The following DCLK1 variants were observed in gnomAD, a reference collection of about 807,000 sequenced individuals.
DCLK1 encodes doublecortin like kinase 1.
In DCLK1, 16 loss-of-function variants were observed where a neutral mutation model predicts 86.2. That is an observed-to-expected ratio of 0.19 (90% CI 0.13 to 0.28). The LOEUF (loss-of-function observed/expected upper bound fraction) is 0.28. Ranked by LOEUF, DCLK1 falls within the 10% of genes least tolerant of loss-of-function variation. The pLI is 1.00. For synonymous variants in DCLK1, 369 were observed against 370.5 expected (o/e 1.00, Z 0.05); for missense variants, 590 against 940.2 (o/e 0.63, Z 4.87).
chr13:36,076,821 G>A (rs889342164), intron 3 of DCLK1, among the ~76,000 whole-genome samples: 2 of 152,126 alleles, frequency 1.3e-5, no homozygotes, highest in Non-Finnish European at 2.9e-5. Flanking sequence ...TCTACATAAC[G>A]CTTTCCCAAA....
At position 36,014,392 on chromosome 13, in the gene DCLK1, C is replaced by A. The variant is rs564787257; in HGVS notation, c.724-66935G>T. On this transcript the variant is annotated intron_variant, in intron 3 of 16. Transcript: ENST00000360631. ...TTCTTCAGAATTATATTTCAGAGAG[C>A]AACTTTTTTGTTGCCTTTAAAATTT... 3.7e-4 allele frequency among the ~76,000 whole-genome samples: 57 copies of A among 152,332 alleles called. No homozygotes were observed. In the South Asian group the frequency reaches 0.011, roughly 29 times the overall value.
intron 4 of DCLK1, among the ~76,000 whole-genome samples, chr13:35,927,561 T>G (rs1876193970): frequency 6.6e-6 from 1 of 152,164 alleles, no homozygotes; most frequent in South Asian, 2.1e-4. Flanking sequence ...GTGGATATCC[T>G]CCCCCAGATC....
intron 5 of DCLK1, among the ~76,000 whole-genome samples, chr13:35,861,387 G>A (rs988342371): frequency 6.6e-6 from 1 of 152,178 alleles, no homozygotes. Context: ...AGCACCAAGG[G>A]TCAGGGTGGA....
At chr13:36,065,701 C>A (rs1883721798) in intron 3 of DCLK1, among the ~76,000 whole-genome samples, 1 of 148,318 alleles carries the variant, frequency 6.7e-6, no homozygotes, top group Non-Finnish European at 1.5e-5. Flanking sequence ...CAGCTAGAGA[C>A]TAAAGGTGAC....
rs1349235373 is a variant in DCLK1 at position 35,805,683 on chromosome 13, G to A, written c.1944+16C>T. 5 of 1,607,046 alleles carry A rather than the reference G, an allele frequency of 3.1e-6. No individual in the cohort carries two copies. Among genetic ancestry groups the A allele is most frequent in the Non-Finnish European group, 4.2e-6 (5 of 1,176,702 alleles). ...AATGTTAGGAGAGAACAAAGGAAAT[G>A]GTGCGAGTCACTTACATTAACCCAG... On this transcript the variant is annotated intron_variant, in intron 15 of 16. Transcript: ENST00000360631.
At chr13:36,046,100 T>A (rs995964966) in intron 3 of DCLK1, among the ~76,000 whole-genome samples, 3 of 152,194 alleles carry the variant, frequency 2.0e-5, no homozygotes, top group Non-Finnish European at 4.4e-5. Context: ...GTTATTTTGG[T>A]AAAGAAAGTT....
At chr13:35,897,276 G>A (rs1222250505) in intron 4 of DCLK1, among the ~76,000 whole-genome samples, 1 of 152,172 alleles carries the variant, frequency 6.6e-6, no homozygotes, top group East Asian at 1.9e-4. Flanking sequence ...AACACTGGGA[G>A]GCAATGTGGA....
At chr13:35,986,314 A>G (rs980067207) in intron 3 of DCLK1, among the ~76,000 whole-genome samples, 1 of 150,400 alleles carries the variant, frequency 6.6e-6, no homozygotes, top group Non-Finnish European at 1.5e-5. Context: ...AAAAAAAAAA[A>G]AAAAAAAAAA....
At chr13:35,800,580 A>G (rs1284176634) in intron 15 of DCLK1, among the ~76,000 whole-genome samples, 1 of 152,258 alleles carries the variant, frequency 6.6e-6, no homozygotes, top group Non-Finnish European at 1.5e-5. Context: ...GGACGTGTGA[A>G]AAATAAAGGT....
At chr13:35,942,097 T>TA (rs1877115158) in intron 4 of DCLK1, among the ~76,000 whole-genome samples, 1 of 152,232 alleles carries the variant, frequency 6.6e-6, no homozygotes, top group African/African-American at 2.4e-5. Context: ...ATCCTCATTC[T>TA]ACCTTTGACC....
At chr13:36,014,091 G>A (rs996402175) in intron 3 of DCLK1, among the ~76,000 whole-genome samples, 3 of 152,168 alleles carry the variant, frequency 2.0e-5, no homozygotes, top group Non-Finnish European at 4.4e-5. Context: ...GCACCCACTG[G>A]CCTGCGCCCA....
chr13:35,803,642 TC>T (rs1049298267), intron 15 of DCLK1, among the ~76,000 whole-genome samples: 1 of 152,124 alleles, frequency 6.6e-6, no homozygotes, highest in Non-Finnish European at 1.5e-5. Flanking sequence ...CAAGTTCTTG[TC>T]CCCCCATATG....
chr13:35,982,668 C>G (rs191489868), intron 3 of DCLK1, among the ~76,000 whole-genome samples: 2 of 152,210 alleles, frequency 1.3e-5, no homozygotes, highest in African/African-American at 4.8e-5. Context: ...TACAATTTTT[C>G]GAAAATCTAA....
At chr13:35,841,773 A>T (rs1869810912) in intron 6 of DCLK1, among the ~76,000 whole-genome samples, 1 of 152,192 alleles carries the variant, frequency 6.6e-6, no homozygotes, top group South Asian at 2.1e-4. Context: ...TAAATGTATT[A>T]AACTTCTAAT....
chr13:35,875,022 A>G (rs1404323588), intron 4 of DCLK1, among the ~76,000 whole-genome samples: 2 of 152,252 alleles, frequency 1.3e-5, no homozygotes, highest in African/African-American at 2.4e-5. Context: ...AGAACAATAC[A>G]AAGTTTTGGA....
intron 4 of DCLK1, among the ~76,000 whole-genome samples, chr13:35,913,747 G>A (rs1875188647): frequency 6.6e-6 from 1 of 152,104 alleles, no homozygotes; most frequent in Non-Finnish European, 1.5e-5. Context: ...TACTGGGTGT[G>A]TAAGTGTTTC....
At chr13:35,914,350 CATAT>C (rs1566600254) in intron 4 of DCLK1, among the ~76,000 whole-genome samples, 18 of 94,214 alleles carry the variant, frequency 1.9e-4, no homozygotes, top group African/African-American at 7.3e-4. Context: ...TATATATATA[CATAT>C]ATATATATAT....
intron 3 of DCLK1, among the ~76,000 whole-genome samples, chr13:35,995,240 C>A (rs759325151): frequency 1.3e-5 from 2 of 152,128 alleles, no homozygotes; most frequent in African/African-American, 4.8e-5. Flanking sequence ...TTTCCAATAT[C>A]ATATTGTAAA....
At chr13:35,997,002 C>T (rs1468187300) in intron 3 of DCLK1, among the ~76,000 whole-genome samples, 1 of 152,204 alleles carries the variant, frequency 6.6e-6, no homozygotes, top group Non-Finnish European at 1.5e-5. Flanking sequence ...CACTTCCCTA[C>T]ATCTGCATGC....
Sources: gnomAD v4.1 joint callset for allele counts (sites outside exome capture counted in the v4.1 genomes callset) on GRCh38, gnomAD v4.1.1 for gene constraint, MANE v1.5 for transcripts, NCBI Gene and HGNC (gene_info 2026-07-23, HGNC 2026-07-21) for gene names.